Variants in ASTN2 observed in about 807,000 individuals in gnomAD.
ASTN2 encodes the protein astrotactin-2.
In ASTN2, 54 loss-of-function variants were observed where a neutral mutation model predicts 139.8. The observed-to-expected ratio is 0.39, with a 90% CI of 0.31 to 0.48. ASTN2 has a LOEUF of 0.48. ASTN2 is among the 20% of genes least tolerant of loss of function. ASTN2 has a pLI of 0.95. For synonymous variants in ASTN2, 756 were observed against 719.5 expected (o/e 1.05, Z -0.81); for missense variants, 1,565 against 1,725.1 (o/e 0.91, Z 1.64).
At chr9:116,892,409 T>C (rs960837131) in intron 10 of ASTN2, among the ~76,000 whole-genome samples, 4 of 152,002 alleles carry the variant, frequency 2.6e-5, no homozygotes, top group Non-Finnish European at 5.9e-5. Flanking sequence ...GCCAGTCTTA[T>C]ATACCAGCAT....
At chr9:116,926,205 C>A (rs571011199) in intron 10 of ASTN2, among the ~76,000 whole-genome samples, 39 of 152,294 alleles carry the variant, frequency 2.6e-4, no homozygotes, top group African/African-American at 7.0e-4. Context: ...AAGAAACCAT[C>A]AATGATGTCT....
intron 1 of ASTN2, among the ~76,000 whole-genome samples, chr9:117,308,397 C>A (rs1459017291): frequency 6.6e-6 from 1 of 152,172 alleles, no homozygotes; most frequent in Non-Finnish European, 1.5e-5. Flanking sequence ...GAGAAAAAAA[C>A]TGAGATTCCC....
chr9:117,414,491 C>A lies in ASTN2; in HGVS notation c.442+6G>T, dbSNP rs775019082. ...GGATCTAGCGCGTGCCGGCGCCCAGCCTTACCCAGGGTGAAGAAGGGCAGC... is the reference window on the plus strand; with the variant it reads ...GGATCTAGCGCGTGCCGGCGCCCAGACTTACCCAGGGTGAAGAAGGGCAGC... On this transcript the variant is annotated splice_donor_region_variant and intron_variant, in intron 1 of 22. Transcript: ENST00000313400. The surrounding 1 kb of genome is among the most constrained non-coding windows in gnomAD (Gnocchi z 4.2). 2.5e-6 allele frequency: 4 copies of A among 1,608,272 alleles called. No individual in the cohort carries two copies. The highest frequency in any genetic ancestry group is 3.4e-6 in the Non-Finnish European group (4 of 1,177,876).
At chr9:116,972,872 C>T (rs924055196) in intron 10 of ASTN2, among the ~76,000 whole-genome samples, 4 of 152,160 alleles carry the variant, frequency 2.6e-5, no homozygotes, top group South Asian at 2.1e-4. Flanking sequence ...TGCTTTTCCA[C>T]GTAGTCTTTC....
At chr9:116,499,647 T>A (rs1849789848) in intron 19 of ASTN2, among the ~76,000 whole-genome samples, 1 of 152,132 alleles carries the variant, frequency 6.6e-6, no homozygotes. Flanking sequence ...GTGCCTAGGC[T>A]TATGCAGAAC....
intron 1 of ASTN2, among the ~76,000 whole-genome samples, chr9:117,396,191 A>G (rs2130953540): frequency 6.6e-6 from 1 of 152,290 alleles, no homozygotes; most frequent in Non-Finnish European, 1.5e-5. Context: ...TGGACAAATG[A>G]TATCTAAAGC....
chr9:116,762,692 G>A (rs1301372651), intron 13 of ASTN2, among the ~76,000 whole-genome samples: 1 of 152,204 alleles, frequency 6.6e-6, no homozygotes, highest in Non-Finnish European at 1.5e-5. Flanking sequence ...AGTTTTATTG[G>A]AATGCACTCA....
chr9:116,494,873 T>G (rs1390026301), intron 19 of ASTN2, among the ~76,000 whole-genome samples: 1 of 152,160 alleles, frequency 6.6e-6, no homozygotes, highest in Non-Finnish European at 1.5e-5. Flanking sequence ...GCGAGATGCC[T>G]GGGGTGGGAA....
rs550794735 is a variant in ASTN2 at position 117,096,055 on chromosome 9, C to G, written c.1265G>C (p.Arg422Pro). 6.2e-7 allele frequency: 1 copy of G among 1,613,778 alleles called. No homozygotes were observed. The highest frequency in any genetic ancestry group is 1.3e-5 in the African/African-American group (1 of 74,882). Residue 422 changes from arginine (R) to proline (P), a missense_variant, in exon 5 of 23, where the codon CGC becomes CCC. By Grantham distance (103) the Arg-to-Pro change is moderately radical (BLOSUM62 -2). Around this residue, in one of 4 missense-constraint regions of ASTN2, gnomAD observed 596 missense variants for 576.8 expected, o/e 1.03. Coordinates refer to ENST00000313400, the MANE Select transcript of ASTN2 (RefSeq NM_001365068.1). ...TFYTEQYRSR[R>P]RSKGLLKSPV... The stretch of plus-strand genomic sequence containing the variant: ...AAGGACACTATTACCTTTGCTGCGG[C>G]GGCGACTGCGGTACTGCTCCGTGTA...
intron 1 of ASTN2, among the ~76,000 whole-genome samples, chr9:117,404,106 A>G (rs1830915214): frequency 6.6e-6 from 1 of 152,212 alleles, no homozygotes; most frequent in African/African-American, 2.4e-5. Flanking sequence ...CTTTGCACAC[A>G]CTATCTCCAT....
chr9:116,844,239 CAGAA>C (rs1295538220), intron 11 of ASTN2, among the ~76,000 whole-genome samples: 1 of 152,188 alleles, frequency 6.6e-6, no homozygotes, highest in Non-Finnish European at 1.5e-5. Context: ...TGTCCCACAT[CAGAA>C]AGAATCAGTT....
At chr9:116,978,716 A>T (rs934483899) in intron 7 of ASTN2, among the ~76,000 whole-genome samples, 3 of 152,166 alleles carry the variant, frequency 2.0e-5, no homozygotes, top group South Asian at 2.1e-4. Flanking sequence ...AAACACTCAG[A>T]TATCACATGC....
chr9:117,051,754 C>G (rs1022784917), intron 5 of ASTN2, among the ~76,000 whole-genome samples: 15 of 152,116 alleles, frequency 9.9e-5, no homozygotes, highest in Admixed American at 9.8e-4. Flanking sequence ...TGGCCTAATC[C>G]ACCATGCTGA....
At chr9:117,230,055 G>A (rs1479626551) in intron 2 of ASTN2, among the ~76,000 whole-genome samples, 1 of 151,446 alleles carries the variant, frequency 6.6e-6, no homozygotes, top group East Asian at 1.9e-4. Flanking sequence ...TCTAGCCCCA[G>A]CTACTCAGGA....
intron 1 of ASTN2, among the ~76,000 whole-genome samples, chr9:117,387,877 C>G (rs1024346367): frequency 1.3e-5 from 2 of 152,170 alleles, no homozygotes; most frequent in African/African-American, 4.8e-5. Context: ...CTCACCTGGT[C>G]TTTATAGAGC....
chr9:116,565,431 T>TATATATA (rs1853180208), intron 19 of ASTN2, among the ~76,000 whole-genome samples: 2 of 117,794 alleles, frequency 1.7e-5, no homozygotes, highest in Non-Finnish European at 3.5e-5. Context: ...ATATATATAT[T>TATATATA]TATTTATTTA....
intron 2 of ASTN2, among the ~76,000 whole-genome samples, chr9:117,238,753 G>T (rs1191146324): frequency 6.6e-6 from 1 of 152,158 alleles, no homozygotes; most frequent in East Asian, 1.9e-4. Context: ...ATGAATGTTG[G>T]TGCCTAGCTC....
At chr9:116,990,423 T>C (rs1162803513) in intron 7 of ASTN2, among the ~76,000 whole-genome samples, 2 of 152,180 alleles carry the variant, frequency 1.3e-5, no homozygotes, top group Admixed American at 6.5e-5. Flanking sequence ...TGCACCACCA[T>C]GCTCGGCTAG....
chr9:117,217,290 T>C (rs1263127473), intron 2 of ASTN2, among the ~76,000 whole-genome samples: 1 of 152,206 alleles, frequency 6.6e-6, no homozygotes, highest in African/African-American at 2.4e-5. Context: ...ATGCCCTCTG[T>C]CTTCTCAACT....
Sources: gnomAD v4.1 joint callset for allele counts (sites outside exome capture counted in the v4.1 genomes callset) on GRCh38, gnomAD v4.1.1 for gene constraint, gnomAD v4.1.1 regional missense constraint, Gnocchi (gnomAD v3.1) non-coding constraint, MANE v1.5 for transcripts, NCBI Gene and HGNC (gene_info 2026-07-23, HGNC 2026-07-21) for gene names.